PLEKHA8: variants seen among roughly 807,000 people sequenced by gnomAD.
PLEKHA8 encodes pleckstrin homology domain containing A8, also known as pleckstrin homology domain-containing family A member 8.
Under a neutral mutation model 68.2 loss-of-function variants are expected in PLEKHA8, and 36 were observed. The ratio of observed to expected loss-of-function variants is 0.53; its 90% CI spans 0.40 to 0.70. PLEKHA8 has a LOEUF of 0.70. PLEKHA8 is among the 30% of genes least tolerant of loss of function. The pLI, the probability that PLEKHA8 is intolerant of heterozygous loss-of-function variation, is 0.00. For synonymous variants in PLEKHA8, 211 were observed against 216.1 expected (o/e 0.98, Z 0.20); for missense variants, 505 against 615.4 (o/e 0.82, Z 1.90).
chr7:30,033,779 A>G (rs1013445375), intron 1 of PLEKHA8, among the ~76,000 whole-genome samples: 2 of 152,144 alleles, frequency 1.3e-5, no homozygotes, highest in Non-Finnish European at 2.9e-5. Context: ...CAGTAATCAA[A>G]GAAGTTTCCG....
At chr7:30,064,345 A>C (rs1034438454) in intron 12 of PLEKHA8, among the ~76,000 whole-genome samples, 1 of 152,214 alleles carries the variant, frequency 6.6e-6, no homozygotes, top group African/African-American at 2.4e-5. Context: ...TGAGTTCAGG[A>C]GTTTGAGACC....
intron 13 of PLEKHA8, among the ~76,000 whole-genome samples, chr7:30,112,308 T>C (rs1254510254): frequency 2.6e-5 from 4 of 151,706 alleles, no homozygotes; most frequent in African/African-American, 7.3e-5. Context: ...CGACTCAGCA[T>C]ATACCAAAAA....
intron 6 of PLEKHA8, among the ~76,000 whole-genome samples, chr7:30,051,713 C>T (rs1274611494): frequency 6.6e-6 from 1 of 152,136 alleles, no homozygotes; most frequent in African/African-American, 2.4e-5. Context: ...GTGGCTCACG[C>T]CTATAATCCC....
At chr7:30,101,345 C>A (rs1257474118) in intron 13 of PLEKHA8, among the ~76,000 whole-genome samples, 1 of 152,130 alleles carries the variant, frequency 6.6e-6, no homozygotes, top group African/African-American at 2.4e-5. Flanking sequence ...GACCGGGTAG[C>A]TTATGAACAA....
chr7:30,068,032 G>A, intron 12 of PLEKHA8, among the ~76,000 whole-genome samples: 1 of 152,222 alleles, frequency 6.6e-6, no homozygotes, highest in East Asian at 1.9e-4. Context: ...GACTGGTCCA[G>A]GGACTCTGGC....
At chr7:30,121,038 A>T (rs537480079) in intron 13 of PLEKHA8, among the ~76,000 whole-genome samples, 9 of 151,958 alleles carry the variant, frequency 5.9e-5, no homozygotes, top group Non-Finnish European at 1.3e-4. Flanking sequence ...TTTACGATTA[A>T]TCTATTTAAT....
chr7:30,053,457 C>T (rs991438020), intron 7 of PLEKHA8, among the ~76,000 whole-genome samples: 40 of 152,146 alleles, frequency 2.6e-4, no homozygotes, highest in Admixed American at 2.6e-3. Context: ...TTAAAATTTC[C>T]TTCCATCTAC....
chr7:30,048,500 G>C (rs1792142960), intron 4 of PLEKHA8, among the ~76,000 whole-genome samples: 2 of 152,058 alleles, frequency 1.3e-5, no homozygotes, highest in South Asian at 4.2e-4. Flanking sequence ...TCTCTTCATT[G>C]TCAGCAAGGA....
rs919176431 is a variant in PLEKHA8, at chr7:30,082,357, G to A, written c.*3570G>A. On this transcript the variant is annotated 3_prime_UTR_variant, in exon 14 of 14. Coordinates refer to ENST00000449726, the MANE Select transcript of PLEKHA8 (RefSeq NM_001197026.2). ...ATGTTTGTTCTGCCCCATTTCCCAGGAGCAGCTTCTAGCACATATGTAGAG... is the reference window on the plus strand; with the variant it reads ...ATGTTTGTTCTGCCCCATTTCCCAGAAGCAGCTTCTAGCACATATGTAGAG... 4 of 985,246 alleles carry A rather than the reference G, an allele frequency of 4.1e-6. No individual in the cohort carries two copies. Among genetic ancestry groups the A allele is most frequent in the African/African-American group, 1.7e-5 (1 of 57,212 alleles). The allele number at this position is 985,246 out of a possible 1,614,324, so 61.0% of individuals were successfully genotyped here.
chr7:30,041,983 G>T (rs1462608844), intron 1 of PLEKHA8, among the ~76,000 whole-genome samples: 1 of 152,134 alleles, frequency 6.6e-6, no homozygotes, highest in Non-Finnish European at 1.5e-5. Context: ...GATCTGTAAG[G>T]ATGTTGTGGA....
At chr7:30,089,974 CAG>C (rs1795347587) in intron 12 of PLEKHA8, among the ~76,000 whole-genome samples, 1 of 152,086 alleles carries the variant, frequency 6.6e-6, no homozygotes, top group South Asian at 2.1e-4. Flanking sequence ...ATTTTAAAAA[CAG>C]GGATTCGAGT....
At chr7:30,075,573 C>T (rs1033896800) in intron 13 of PLEKHA8, among the ~76,000 whole-genome samples, 4 of 152,172 alleles carry the variant, frequency 2.6e-5, no homozygotes, top group Non-Finnish European at 4.4e-5. Flanking sequence ...CATTAGAGCT[C>T]TCTGCAGTGA....
intron 12 of PLEKHA8, chr7:30,071,918 T>G (rs1043665925): frequency 2.6e-5 from 4 of 152,382 alleles, no homozygotes; most frequent in African/African-American, 2.4e-5. Context: ...AGGCTGTACC[T>G]AGTATTCTCT....
chr7:30,105,311 TAAAAAAAAA>T (rs59891172), intron 13 of PLEKHA8, among the ~76,000 whole-genome samples: 34 of 53,740 alleles, frequency 6.3e-4, no homozygotes, highest in Admixed American at 4.2e-3. Flanking sequence ...TCTCTATAAT[TAAAAAAAAA>T]AAAAAAAAAA....
Position 30,055,152 on chromosome 7 carries a change from A to C in PLEKHA8, c.954-105A>C. ...TTACTGGGGCATATCAAGTCAAACG[A>C]TTTGCCCTACAGAGAGGCAGCTGTG... On this transcript the variant is annotated intron_variant, in intron 8 of 13. Transcript: ENST00000449726. 3 of 1,016,792 alleles carry C rather than the reference A, an allele frequency of 3.0e-6. No homozygotes were observed. The South Asian group carries it at 4.0e-5, about 14-fold the overall frequency. The allele number at this position is 1,016,792 out of a possible 1,614,324, so 63.0% of individuals were successfully genotyped here.
In PLEKHA8 at chr7:30,066,766, CAG is replaced by C. The variant is rs1469940491; in HGVS notation, c.1300+4026_1300+4027del. Among the ~76,000 whole-genome samples the C allele has an allele frequency of 1.1e-4, 17 of 152,300 alleles. No homozygotes were observed. The South Asian group carries it at 3.5e-3, about 32-fold the overall frequency. On this transcript the variant is annotated intron_variant, in intron 12 of 13. Coordinates refer to ENST00000449726, the MANE Select transcript of PLEKHA8 (RefSeq NM_001197026.2). The stretch of plus-strand genomic sequence containing the variant: ...TAACATATTGCCACATATCTCATCT[CAG>C]AATGATCCCATAAATGTCAGTAAAA...
At chr7:30,078,256 G>A (rs1320485689) in intron 13 of PLEKHA8, among the ~76,000 whole-genome samples, 1 of 152,180 alleles carries the variant, frequency 6.6e-6, no homozygotes, top group Non-Finnish European at 1.5e-5. Flanking sequence ...TAGATTCTGA[G>A]GATTTGAGGG....
chr7:30,112,682 T>C (rs1796309725), intron 13 of PLEKHA8, among the ~76,000 whole-genome samples: 1 of 149,434 alleles, frequency 6.7e-6, no homozygotes, highest in Non-Finnish European at 1.5e-5. Flanking sequence ...GCCACTGCAC[T>C]CCAGCCTGGG....
chr7:30,062,559 C>G, intron 11 of PLEKHA8, 113 bp from the exon 12 acceptor site: 1 of 756,356 alleles, frequency 1.3e-6, no homozygotes, highest in East Asian at 2.7e-5. Context: ...TTGACCTATT[C>G]ACTGCTGTGC....
Sources: allele counts gnomAD v4.1 joint callset (sites outside exome capture counted in the v4.1 genomes callset), GRCh38; gene constraint gnomAD v4.1.1; transcripts MANE v1.5; gene names NCBI Gene and HGNC (gene_info 2026-07-23, HGNC 2026-07-21).